The following CDH18 variants were observed in gnomAD, a reference collection of about 807,000 sequenced individuals.
CDH18 encodes cadherin 18.
A neutral mutation model predicts 67.9 loss-of-function variants in CDH18; 31 were observed. The observed-to-expected ratio is 0.46, with a 90% CI of 0.34 to 0.62. The LOEUF is 0.62. CDH18 is among the 20% of genes least tolerant of loss of function. CDH18 has a pLI of 0.01. For missense variants in CDH18, 890 were observed against 975.5 expected (o/e 0.91, Z 1.17); for synonymous variants, 362 against 347.2 (o/e 1.04, Z -0.48).
At chr5:20,507,953 A>G (rs1754755029) in intron 1 of CDH18, among the ~76,000 whole-genome samples, 1 of 152,102 alleles carries the variant, frequency 6.6e-6, no homozygotes, top group East Asian at 1.9e-4. Flanking sequence ...GTATAGCCTC[A>G]CTATTTATTA....
intron 2 of CDH18, among the ~76,000 whole-genome samples, chr5:20,182,120 T>A (rs1003856088): frequency 6.6e-6 from 1 of 152,144 alleles, no homozygotes. Flanking sequence ...GGCATTTCAC[T>A]CCTTCCAAAT....
chr5:20,034,501 G>T (rs1739668190), intron 2 of CDH18, among the ~76,000 whole-genome samples: 1 of 152,000 alleles, frequency 6.6e-6, no homozygotes, highest in South Asian at 2.1e-4. Context: ...AATATTTATG[G>T]CTGAGATTAA....
chr5:19,975,406 A>C (rs1359786496), intron 2 of CDH18, among the ~76,000 whole-genome samples: 1 of 152,128 alleles, frequency 6.6e-6, no homozygotes, highest in Admixed American at 6.6e-5. Flanking sequence ...TAGATGAAAA[A>C]TAAGTATGAA....
intron 9 of CDH18, among the ~76,000 whole-genome samples, chr5:19,538,756 C>T (rs1293217041): frequency 1.3e-5 from 2 of 151,880 alleles, no homozygotes; most frequent in Non-Finnish European, 1.5e-5. Context: ...TTTTCCCTTG[C>T]CCTCATTCAT....
chr5:20,251,034 G>A (rs977918929), intron 2 of CDH18, among the ~76,000 whole-genome samples: 4 of 152,038 alleles, frequency 2.6e-5, no homozygotes, highest in African/African-American at 9.7e-5. Context: ...AAAACTGAGC[G>A]GTAACTGAGC....
intron 1 of CDH18, among the ~76,000 whole-genome samples, chr5:20,361,998 T>G (rs1742125471): frequency 1.3e-5 from 2 of 151,970 alleles, no homozygotes; most frequent in Non-Finnish European, 2.9e-5. Context: ...GAGAAGAAAT[T>G]ACTATTTGCA....
chr5:19,479,985 C>A (rs535121433), intron 12 of CDH18, among the ~76,000 whole-genome samples: 3 of 152,244 alleles, frequency 2.0e-5, no homozygotes, highest in Non-Finnish European at 2.9e-5. Flanking sequence ...ATAAAATGTT[C>A]TTTCAATAAT....
intron 1 of CDH18, among the ~76,000 whole-genome samples, chr5:20,344,224 C>T (rs1488485872): frequency 6.6e-6 from 1 of 152,082 alleles, no homozygotes; most frequent in Non-Finnish European, 1.5e-5. Context: ...AGGCTGTTCT[C>T]AGGTGAAAAT....
chr5:19,567,630 C>T (rs1004406975), intron 8 of CDH18, among the ~76,000 whole-genome samples: 10 of 152,126 alleles, frequency 6.6e-5, no homozygotes, highest in African/African-American at 2.4e-4. Context: ...GTGAATGACA[C>T]ATTTTTATTA....
At chr5:19,820,189 T>C (rs1251915252) in intron 3 of CDH18, among the ~76,000 whole-genome samples, 4 of 152,044 alleles carry the variant, frequency 2.6e-5, no homozygotes, top group Non-Finnish European at 5.9e-5. Flanking sequence ...CATCCCTCTC[T>C]CCACAAAACC....
intron 3 of CDH18, among the ~76,000 whole-genome samples, chr5:19,750,562 T>G (rs1770702861): frequency 1.3e-5 from 2 of 151,846 alleles, no homozygotes; most frequent in Non-Finnish European, 2.9e-5. Flanking sequence ...AGACATCAAA[T>G]GAAAGAGATT....
intron 5 of CDH18, among the ~76,000 whole-genome samples, chr5:19,632,430 C>G (rs936630773): frequency 6.6e-6 from 1 of 152,196 alleles, no homozygotes; most frequent in Non-Finnish European, 1.5e-5. Context: ...AGGTTGACTA[C>G]TCCACACTTT....
At chr5:19,795,925 C>G (rs1776806993) in intron 3 of CDH18, among the ~76,000 whole-genome samples, 1 of 151,822 alleles carries the variant, frequency 6.6e-6, no homozygotes, top group Non-Finnish European at 1.5e-5. Context: ...AATTATAGAA[C>G]AAGAAAACAA....
intron 1 of CDH18, among the ~76,000 whole-genome samples, chr5:20,417,273 T>C (rs1387523184): frequency 6.6e-6 from 1 of 152,172 alleles, no homozygotes; most frequent in African/African-American, 2.4e-5. Flanking sequence ...AGGACTGCTA[T>C]AGACACAATT....
At chr5:20,402,251 T>A (rs778103406) in intron 1 of CDH18, among the ~76,000 whole-genome samples, 1 of 152,164 alleles carries the variant, frequency 6.6e-6, no homozygotes, top group Non-Finnish European at 1.5e-5. Context: ...TTCCAGAATG[T>A]CTCTCAATCT....
chr5:19,949,569 G>C (rs1054110994), intron 2 of CDH18, among the ~76,000 whole-genome samples: 2 of 152,100 alleles, frequency 1.3e-5, no homozygotes, highest in Non-Finnish European at 2.9e-5. Context: ...GAGAATGTCA[G>C]TCTGGAAATA....
intron 1 of CDH18, among the ~76,000 whole-genome samples, chr5:20,574,203 GT>G (rs1313596183): frequency 6.6e-6 from 1 of 151,380 alleles, no homozygotes; most frequent in African/African-American, 2.4e-5. Context: ...ATAAAATAGT[GT>G]TTTTTTAAAT....
intron 2 of CDH18, among the ~76,000 whole-genome samples, chr5:19,947,219 T>C (rs1250399131): frequency 6.6e-6 from 1 of 152,012 alleles, no homozygotes; most frequent in Non-Finnish European, 1.5e-5. Flanking sequence ...AACATAATAC[T>C]GGACATTCTA....
chr5:19,782,744 C>A (rs989479888), intron 3 of CDH18, among the ~76,000 whole-genome samples: 1 of 152,088 alleles, frequency 6.6e-6, no homozygotes, highest in Non-Finnish European at 1.5e-5. Context: ...TAGCAATACT[C>A]CCTAATTCTT....
Sources: gnomAD v4.1 joint callset for allele counts (sites outside exome capture counted in the v4.1 genomes callset) on GRCh38, gnomAD v4.1.1 for gene constraint, MANE v1.5 for transcripts, NCBI Gene and HGNC (gene_info 2026-07-23, HGNC 2026-07-21) for gene names.